Variants in TSPAN19 observed in about 807,000 individuals in gnomAD.
TSPAN19 encodes the protein tetraspanin 19, also known as tetraspanin-19.
In TSPAN19, 44 loss-of-function variants were observed where a neutral mutation model predicts 35.1. The observed-to-expected ratio is 1.25, with a 90% CI of 0.98 to 1.61. TSPAN19 has a LOEUF of 1.61. Ranked by LOEUF, TSPAN19 falls within the 40% of genes most tolerant of loss-of-function variation. The probability of loss-of-function intolerance (pLI) is 0.00; values close to 1 mark genes in which losing one functional copy is unlikely to be tolerated. For synonymous variants in TSPAN19, 79 were observed against 92.0 expected, an observed-to-expected ratio of 0.86 and a Z score of 0.81; for missense variants, 290 against 280.0, an observed-to-expected ratio of 1.04 and a Z score of -0.26.
At chr12:85,022,696 C>G (rs1877190571) in intron 5 of TSPAN19, among the ~76,000 whole-genome samples, 1 of 152,038 alleles carries the variant, frequency 6.6e-6, no homozygotes, top group Non-Finnish European at 1.5e-5. Flanking sequence ...AATTAATCTT[C>G]CGTGATATAA....
chr12:85,029,684 A>G, intron 3 of TSPAN19, 35 bp downstream of exon 3: 2 of 1,447,132 alleles, frequency 1.4e-6, no homozygotes. Context: ...TTGAATGTCT[A>G]TTTCACTGAG....
intron 3 of TSPAN19, among the ~76,000 whole-genome samples, chr12:85,029,064 A>C (rs1367269678): frequency 6.6e-6 from 1 of 152,188 alleles, no homozygotes; most frequent in Non-Finnish European, 1.5e-5. Flanking sequence ...GATGAGACTA[A>C]AAATGTTTGC....
intron 3 of TSPAN19, 143 bp downstream of exon 3, chr12:85,029,576 C>A: frequency 1.3e-6 from 1 of 767,800 alleles, no homozygotes; most frequent in Non-Finnish European, 2.1e-6. Context: ...AAAATCTCTA[C>A]AACTGATGAA....
intron 6 of TSPAN19, among the ~76,000 whole-genome samples, chr12:85,018,033 C>G (rs1876911478): frequency 6.6e-6 from 1 of 151,734 alleles, no homozygotes; most frequent in East Asian, 1.9e-4. Flanking sequence ...GTAATATCTA[C>G]TTTTCTAGGA....
chr12:85,017,759 A>G (rs1017554896), intron 6 of TSPAN19, among the ~76,000 whole-genome samples, 160 bp from the exon 7 acceptor site: 2 of 151,906 alleles, frequency 1.3e-5, no homozygotes, highest in Non-Finnish European at 2.9e-5. Context: ...TGTTTAATTC[A>G]TTACTTTGTT....
Position 85,029,790 on chromosome 12 carries a change from A to G in TSPAN19, c.68T>C (p.Val23Ala). ...AAATCCCATGAATAAAAGTCCAAGA[A>G]CCTAAAAAAAGAAAGTCAATGCTTA... ...FLNLINGAFL[V>A]LGLLFMGFGA... Residue 23 changes from valine (V) to alanine (A), a missense_variant and splice_region_variant, in exon 3 of 9, where the codon GTT (valine) becomes GCT (alanine). Val to Ala is a moderately conservative substitution (Grantham distance 64, BLOSUM62 0). Transcript: ENST00000532498. 6.5e-7 allele frequency: 1 copy of G among 1,541,510 alleles called. No individual in the cohort carries two copies. The highest frequency in any genetic ancestry group is 1.4e-5 in the African/African-American group (1 of 72,218).
chr12:85,028,839 G>A (rs187830208), intron 3 of TSPAN19, among the ~76,000 whole-genome samples: 42 of 152,246 alleles, frequency 2.8e-4, no homozygotes, highest in South Asian at 2.5e-3. Context: ...GTTGTTAAAC[G>A]TTTGCCGGCA....
chr12:85,019,489 C>T (rs1168370079), intron 6 of TSPAN19, 137 bp downstream of exon 6: 9 of 559,920 alleles, frequency 1.6e-5, no homozygotes, highest in Non-Finnish European at 2.9e-5. Context: ...GTGGAGAATG[C>T]CCTTTTTGCC....
chr12:85,014,486 G>T lies in TSPAN19; in HGVS notation c.*1C>A. On this transcript the variant is annotated 3_prime_UTR_variant, in exon 9 of 9. Coordinates refer to ENST00000532498, the MANE Select transcript of TSPAN19 (RefSeq NM_001100917.2). ...CTTCTGAACAAATTGAAATCCAAAG[G>T]TCACATTTCTGCATGGATTATATTC... 1 of 1,590,618 alleles carries T rather than the reference G, an allele frequency of 6.3e-7. No homozygotes were observed.
At chr12:85,032,434 A>T (rs1330722246) in intron 1 of TSPAN19, among the ~76,000 whole-genome samples, 1 of 152,160 alleles carries the variant, frequency 6.6e-6, no homozygotes, top group Non-Finnish European at 1.5e-5. Flanking sequence ...GTTCTAGATC[A>T]TGGTGTCATA....
At chr12:85,029,669 A>G in intron 3 of TSPAN19, 50 bp downstream of exon 3, 2 of 1,376,094 alleles carry the variant, frequency 1.5e-6, no homozygotes, top group South Asian at 1.4e-5. Flanking sequence ...TACAACTGTT[A>G]AAAATTGAAT....
chr12:85,015,651 C>G, intron 8 of TSPAN19: 1 of 295,116 alleles, frequency 3.4e-6, no homozygotes. Context: ...TAAAAATATA[C>G]ATAGGTACTA....
chr12:85,023,497 C>A, intron 4 of TSPAN19, 97 bp from the exon 5 acceptor site: 1 of 985,366 alleles, frequency 1.0e-6, no homozygotes, highest in South Asian at 1.6e-5. Context: ...AAATATGCAA[C>A]CATAAAGTAT....
chr12:85,015,870 A>T lies in TSPAN19; in HGVS notation c.678+18T>A, dbSNP rs755005893. 1 of 1,518,144 alleles carries T rather than the reference A, an allele frequency of 6.6e-7. No homozygotes were observed. The highest frequency in any genetic ancestry group is 1.2e-5 in the South Asian group (1 of 81,920). 94.0% of individuals were successfully genotyped at this position (1,518,144 alleles called of 1,614,324 possible). ...TATACTTAATATTTTTCATTTTAAC[A>T]TATGAACAAAAGCTTACCTCTGAAG... On this transcript the variant is annotated intron_variant, in intron 8 of 8. Transcript: ENST00000532498.
intron 6 of TSPAN19, among the ~76,000 whole-genome samples, chr12:85,018,753 T>A (rs1322311830): frequency 1.3e-5 from 2 of 151,946 alleles, no homozygotes. Context: ...TGGGTTTGAA[T>A]CTTGGCTCTG....
chr12:85,022,056 C>G (rs1877155493), intron 5 of TSPAN19, among the ~76,000 whole-genome samples: 1 of 151,996 alleles, frequency 6.6e-6, no homozygotes, highest in Non-Finnish European at 1.5e-5. Context: ...GACTGATAAA[C>G]TATATTTACA....
In TSPAN19 at chr12:85,014,363, A is replaced by G. The variant is rs1028898969; in HGVS notation, c.*124T>C. On this transcript the variant is annotated 3_prime_UTR_variant, in exon 9 of 9. Coordinates refer to ENST00000532498, the MANE Select transcript of TSPAN19 (RefSeq NM_001100917.2). ...ATAGTATTCAGTAATTCAATATTACATATAATTAATAATTTGAATACATCT... is the reference window on the plus strand; with the variant it reads ...ATAGTATTCAGTAATTCAATATTACGTATAATTAATAATTTGAATACATCT... The G allele has an allele frequency of 1.6e-6, 1 of 606,788 alleles. No homozygotes were observed. The allele number at this position is 606,788 out of a possible 1,614,324, so 37.6% of individuals were successfully genotyped here. A position where few individuals can be genotyped will look rare whatever the true frequency, so the allele number is the denominator to read the frequency against.
chr12:85,027,981 A>C lies in TSPAN19; in HGVS notation c.182T>G (p.Ile61Ser). The change falls in exon 4 of 9, where the codon ATT (isoleucine) becomes AGT (serine). Residue 61 changes from isoleucine to serine, a missense_variant. Ile to Ser is a moderately radical substitution (Grantham distance 142). Transcript: ENST00000532498. ...HFIVPISQILIGMGSSTVLFC... is the reference protein window; with the variant it reads ...HFIVPISQILSGMGSSTVLFC... Reference sequence around the variant, plus strand: ...AAGAACAGTAGAAGATCCCATTCCAATCAAAATTTGAGAAATAGGTACTAT... The same window carrying C: ...AAGAACAGTAGAAGATCCCATTCCACTCAAAATTTGAGAAATAGGTACTAT... 1 of 1,599,228 alleles carries C rather than the reference A, an allele frequency of 6.3e-7. No individual in the cohort carries two copies. Among genetic ancestry groups the C allele is most frequent in the South Asian group, 1.1e-5 (1 of 88,302 alleles).
chr12:85,025,140 T>C (rs1163151047), intron 4 of TSPAN19, among the ~76,000 whole-genome samples: 1 of 142,592 alleles, frequency 7.0e-6, no homozygotes, highest in African/African-American at 2.6e-5. Flanking sequence ...ATATGAAACC[T>C]TTTTTTTTTT....
Sources: allele counts gnomAD v4.1 joint callset (sites outside exome capture counted in the v4.1 genomes callset), GRCh38; gene constraint gnomAD v4.1.1; transcripts MANE v1.5; gene names NCBI Gene and HGNC (gene_info 2026-07-23, HGNC 2026-07-21).